The following KCNK2 variants were observed in gnomAD, a reference collection of about 807,000 sequenced individuals.
KCNK2 encodes the protein potassium two pore domain channel subfamily K member 2.
A neutral mutation model predicts 40.5 loss-of-function variants in KCNK2; 21 were observed. The observed-to-expected ratio is 0.52, with a 90% CI of 0.37 to 0.75. The LOEUF (loss-of-function observed/expected upper bound fraction) is 0.75. Ranked by LOEUF, KCNK2 falls within the 30% of genes least tolerant of loss-of-function variation. The pLI is 0.00. For missense variants in KCNK2, 399 were observed against 531.6 expected, an observed-to-expected ratio of 0.75 and a Z score of 2.45; for synonymous variants, 191 against 202.2, an observed-to-expected ratio of 0.94 and a Z score of 0.47.
chr1:215,055,871 C>T (rs1199763952), intron 1 of KCNK2, among the ~76,000 whole-genome samples: 1 of 152,170 alleles, frequency 6.6e-6, no homozygotes, highest in African/African-American at 2.4e-5. Flanking sequence ...ATGGATTCTT[C>T]CCTTGTGGCA....
intron 3 of KCNK2, among the ~76,000 whole-genome samples, chr1:215,135,337 A>G (rs1053948624): frequency 1.3e-5 from 2 of 152,140 alleles, no homozygotes; most frequent in Non-Finnish European, 2.9e-5. Context: ...TGGGGCTAGT[A>G]TTTCTCAAGA....
intron 3 of KCNK2, among the ~76,000 whole-genome samples, chr1:215,135,024 CA>C (rs774169743): frequency 1.3e-5 from 2 of 152,160 alleles, no homozygotes; most frequent in East Asian, 3.9e-4. Context: ...TACCTGTAGA[CA>C]ACTTTGTGAA....
intron 3 of KCNK2, among the ~76,000 whole-genome samples, chr1:215,137,693 G>C (rs1661991972): frequency 6.6e-6 from 1 of 152,134 alleles, no homozygotes; most frequent in South Asian, 2.1e-4. Flanking sequence ...CTTTCTAATA[G>C]ATGAATGATA....
At chr1:215,152,180 C>T (rs1662713786) in intron 3 of KCNK2, among the ~76,000 whole-genome samples, 1 of 149,556 alleles carries the variant, frequency 6.7e-6, no homozygotes, top group Non-Finnish European at 1.5e-5. Flanking sequence ...GTTCTACTCT[C>T]AGTGCCTAAA....
intron 3 of KCNK2, among the ~76,000 whole-genome samples, chr1:215,126,222 A>T (rs1174959099): frequency 6.6e-6 from 1 of 152,144 alleles, no homozygotes; most frequent in Non-Finnish European, 1.5e-5. Flanking sequence ...TTATGAGTCC[A>T]CTATAGTGCC....
intron 3 of KCNK2, among the ~76,000 whole-genome samples, chr1:215,141,809 T>C (rs1281582192): frequency 6.6e-6 from 1 of 152,116 alleles, no homozygotes; most frequent in Non-Finnish European, 1.5e-5. Flanking sequence ...TTTCATTTTT[T>C]AAGAGATTTT....
Position 215,235,012 on chromosome 1 carries a change from C to A in KCNK2, c.1148C>A (p.Thr383Asn). Residue 383 changes from threonine to asparagine, a missense_variant, in exon 7 of 7, where the codon ACC becomes AAC. Transcript: ENST00000444842. ...HNQELTPCRR[T>N]LSVNHLTSER... Reference sequence around the variant, plus strand: ...CAGGAGCTGACTCCTTGTAGGAGGACCCTGTCAGTGAACCACCTGACCAGC... The same window carrying A: ...CAGGAGCTGACTCCTTGTAGGAGGAACCTGTCAGTGAACCACCTGACCAGC... 6.2e-7 allele frequency: 1 copy of A among 1,614,044 alleles called. No homozygotes were observed. The highest frequency in any genetic ancestry group is 1.1e-5 in the South Asian group (1 of 91,068).
At chr1:215,090,620 T>C (rs1391614455) in intron 2 of KCNK2, among the ~76,000 whole-genome samples, 1 of 152,198 alleles carries the variant, frequency 6.6e-6, no homozygotes, top group Non-Finnish European at 1.5e-5. Context: ...ACATATCTGG[T>C]CTTCATTTAT....
chr1:215,178,808 C>T (rs987258731), intron 5 of KCNK2, among the ~76,000 whole-genome samples: 1 of 151,974 alleles, frequency 6.6e-6, no homozygotes, highest in African/African-American at 2.4e-5. Context: ...TATAGTTTTT[C>T]TTGTTATTGT....
chr1:215,153,856 G>T (rs1256935140), intron 3 of KCNK2, among the ~76,000 whole-genome samples: 1 of 151,878 alleles, frequency 6.6e-6, no homozygotes, highest in Non-Finnish European at 1.5e-5. Context: ...TTGGTTTTCT[G>T]TTCCCGTGTT....
chr1:215,007,227 A>ATG (rs1337347831), intron 1 of KCNK2, among the ~76,000 whole-genome samples: 1,400 of 95,604 alleles, frequency 0.015, 55 homozygotes, highest in Middle Eastern at 0.02. Flanking sequence ...ATATATATAT[A>ATG]GGCTCATTTC....
At chr1:215,229,302 T>C (rs1666523609) in intron 6 of KCNK2, among the ~76,000 whole-genome samples, 1 of 152,018 alleles carries the variant, frequency 6.6e-6, no homozygotes, top group South Asian at 2.1e-4. Context: ...TTTCTCCTGA[T>C]TTTCAAGCTT....
chr1:215,181,786 AT>A (rs543992369), intron 5 of KCNK2, among the ~76,000 whole-genome samples: 27 of 152,178 alleles, frequency 1.8e-4, no homozygotes, highest in Non-Finnish European at 7.4e-5. Context: ...TAACGGGAAT[AT>A]CTTTCTGTTG....
chr1:215,035,094 C>T (rs1453144382), intron 1 of KCNK2, among the ~76,000 whole-genome samples: 3 of 151,992 alleles, frequency 2.0e-5, no homozygotes, highest in Non-Finnish European at 2.9e-5. Context: ...TTTACCAACT[C>T]GAGTTAGTGT....
chr1:215,229,207 C>CTTTTTTTTTTTTTTTTTTTTTTTTT (rs201225142), intron 6 of KCNK2, among the ~76,000 whole-genome samples: 1 of 129,920 alleles, frequency 7.7e-6, no homozygotes. Context: ...GATTGTTTTT[C>CTTTTTTTTTTTTTTTTTTTTTTTTT]TTTTTTTTTT....
chr1:215,174,897 A>G (rs1187684181), intron 5 of KCNK2, among the ~76,000 whole-genome samples: 1 of 152,122 alleles, frequency 6.6e-6, no homozygotes. Flanking sequence ...TAGATATACA[A>G]TCATGTCATC....
At chr1:215,181,965 T>C (rs1664234283) in intron 5 of KCNK2, among the ~76,000 whole-genome samples, 1 of 152,148 alleles carries the variant, frequency 6.6e-6, no homozygotes, top group Admixed American at 6.5e-5. Flanking sequence ...GGCCACTGAG[T>C]GTCCAGAAGT....
intron 1 of KCNK2, among the ~76,000 whole-genome samples, chr1:215,034,351 ATTT>A (rs35287643): frequency 3.5e-4 from 52 of 147,240 alleles, no homozygotes; most frequent in East Asian, 1.0e-3. Flanking sequence ...TGTTGTTTTC[ATTT>A]TTTTTTTTTT....
At position 215,006,997 on chromosome 1, in the gene KCNK2, CTATA is replaced by C. The variant is rs199497700; in HGVS notation, c.34+1080_34+1083del. Among the ~76,000 whole-genome samples the C allele has an allele frequency of 9.9e-3, 806 of 81,500 alleles. 16 individuals are homozygous for C. The highest frequency in any genetic ancestry group is 0.047 in the African/African-American group (718 of 15,234). The allele number at this position is 81,500 out of a possible 152,430, so 53.5% of individuals were successfully genotyped here. A position where few individuals can be genotyped will look rare whatever the true frequency, so the allele number is the denominator to read the frequency against. On this transcript the variant is annotated intron_variant, in intron 1 of 6. Coordinates refer to the KCNK2 transcript ENST00000391895. ...ATCACTAAGTTTGGGGACCAATTCA[CTATA>C]TATATATATATATATATATATATAT...
Sources: allele counts gnomAD v4.1 joint callset (sites outside exome capture counted in the v4.1 genomes callset), GRCh38; gene constraint gnomAD v4.1.1; transcripts MANE v1.5; gene names NCBI Gene and HGNC (gene_info 2026-07-23, HGNC 2026-07-21).